CDH8: variants seen among roughly 807,000 people sequenced by gnomAD.
CDH8 encodes cadherin-8.
In CDH8, 17 loss-of-function variants were observed where a neutral mutation model predicts 68.1. That is an observed-to-expected ratio of 0.25 (90% CI 0.17 to 0.37). CDH8 has a LOEUF of 0.37. CDH8 is among the 10% of genes least tolerant of loss of function. CDH8 has a pLI of 1.00. For synonymous variants in CDH8, 372 were observed against 365.1 expected (o/e 1.02, Z -0.21); for missense variants, 763 against 999.3 (o/e 0.76, Z 3.19).
chr16:61,654,150 C>T, intron 11 of CDH8, 49 bp from the exon 12 acceptor site: 2 of 1,527,380 alleles, frequency 1.3e-6, no homozygotes, highest in Admixed American at 1.8e-5. Context: ...CATATAATTT[C>T]ACAAGCAACA....
At chr16:61,897,439 G>C (rs971831834) in intron 3 of CDH8, among the ~76,000 whole-genome samples, 6 of 152,082 alleles carry the variant, frequency 3.9e-5, no homozygotes, top group Non-Finnish European at 5.9e-5. Context: ...TTTTAGTAGG[G>C]ACAGGATTTC....
At position 61,911,630 on chromosome 16, in the gene CDH8, CCCA is replaced by C. The variant is rs955370509; in HGVS notation, c.253-10160_253-10158del. 8.5e-4 allele frequency among the ~76,000 whole-genome samples: 126 copies of C among 147,572 alleles called. 1 individual carries two copies. The highest frequency in any genetic ancestry group is 4.2e-3 in the Admixed American group (63 of 14,860). On this transcript the variant is annotated intron_variant, in intron 2 of 11. Coordinates refer to ENST00000577390, the MANE Select transcript of CDH8 (RefSeq NM_001796.5). ...TCTTTATGAATTCCCTAAACCCCCC[CCCA>C]CCACCTCTCTCTCTTTTTCACTCTT...
At chr16:61,746,839 T>C (rs192163961) in intron 8 of CDH8, among the ~76,000 whole-genome samples, 1 of 152,226 alleles carries the variant, frequency 6.6e-6, no homozygotes, top group East Asian at 1.9e-4. Context: ...TCTATGCTTT[T>C]GCCACAGTAA....
chr16:61,660,046 T>C (rs1465889331), intron 10 of CDH8, among the ~76,000 whole-genome samples: 2 of 152,134 alleles, frequency 1.3e-5, no homozygotes, highest in Non-Finnish European at 2.9e-5. Context: ...CTAAAGTGAC[T>C]GTGGACATAC....
chr16:62,027,389 G>C (rs1416122357), intron 1 of CDH8, among the ~76,000 whole-genome samples: 1 of 152,178 alleles, frequency 6.6e-6, no homozygotes, highest in Non-Finnish European at 1.5e-5. Context: ...GTGGATTAAA[G>C]TTCAAAATGA....
intron 2 of CDH8, among the ~76,000 whole-genome samples, chr16:62,003,341 CA>C (rs1567564308): frequency 6.6e-6 from 1 of 152,110 alleles, no homozygotes; most frequent in Non-Finnish European, 1.5e-5. Flanking sequence ...AAATTTTGCA[CA>C]AAAGATAATA....
chr16:61,947,573 A>G (rs1215973953), intron 2 of CDH8, among the ~76,000 whole-genome samples: 2 of 152,180 alleles, frequency 1.3e-5, no homozygotes, highest in Non-Finnish European at 2.9e-5. Flanking sequence ...AATTTGTTTC[A>G]GACAGTGTAA....
chr16:61,981,681 TGC>T lies in CDH8; in HGVS notation c.252+39469_252+39470del, dbSNP rs1555526842. ...GTGTGTGTGTGTGTGTGTGTGTGTG[TGC>T]GCGCGCGCGCGTGCGCTTGGGGCAG... On this transcript the variant is annotated intron_variant, in intron 2 of 11. Coordinates refer to ENST00000577390, the MANE Select transcript of CDH8 (RefSeq NM_001796.5). 7.7e-4 allele frequency among the ~76,000 whole-genome samples: 109 copies of T among 141,840 alleles called. 1 individual carries two copies. Among genetic ancestry groups the T allele is most frequent in the Middle Eastern group, 3.7e-3 (1 of 270 alleles). 93.1% of individuals were successfully genotyped at this position (141,840 alleles called of 152,430 possible).
chr16:61,717,455 T>C (rs1024241759), intron 9 of CDH8, among the ~76,000 whole-genome samples: 4 of 151,732 alleles, frequency 2.6e-5, no homozygotes, highest in Non-Finnish European at 3.0e-5. Flanking sequence ...TTAAAAATCT[T>C]TCATTGTTTA....
chr16:61,686,960 C>A (rs1964121622), intron 10 of CDH8, among the ~76,000 whole-genome samples: 1 of 151,594 alleles, frequency 6.6e-6, no homozygotes, highest in African/African-American at 2.4e-5. Context: ...AAAGCAGCAA[C>A]CATAGGGTTT....
intron 8 of CDH8, among the ~76,000 whole-genome samples, chr16:61,776,347 T>C (rs1960899059): frequency 6.6e-6 from 1 of 152,162 alleles, no homozygotes; most frequent in African/African-American, 2.4e-5. Context: ...TCATAGCTTA[T>C]GTCCTTAACT....
chr16:62,011,293 A>G (rs867296711), intron 2 of CDH8, among the ~76,000 whole-genome samples: 11 of 152,296 alleles, frequency 7.2e-5, no homozygotes, highest in Non-Finnish European at 1.0e-4. Context: ...TGAGCAGACA[A>G]CAGTTAATAG....
rs535056182 is a variant in CDH8, at chr16:61,803,554, G to A, written c.1277+13925C>T. On this transcript the variant is annotated intron_variant, in intron 7 of 11. Transcript: ENST00000577390. ...ATAAAGAGTCAAGACCCATCAGTGT[G>A]CTGTATTCAGGAAGCCCATCTCACG... 8.5e-3 allele frequency among the ~76,000 whole-genome samples: 1,291 copies of A among 152,194 alleles called. 16 individuals are homozygous for A. Among genetic ancestry groups the A allele is most frequent in the Middle Eastern group, 0.027 (8 of 294 alleles).
At chr16:61,790,946 C>T (rs1961363683) in intron 7 of CDH8, among the ~76,000 whole-genome samples, 2 of 151,788 alleles carry the variant, frequency 1.3e-5, no homozygotes, top group East Asian at 1.9e-4. Context: ...GTATGCATAT[C>T]ATTTATACTA....
At chr16:61,897,815 T>G (rs1963896306) in intron 3 of CDH8, among the ~76,000 whole-genome samples, 1 of 152,124 alleles carries the variant, frequency 6.6e-6, no homozygotes, top group African/African-American at 2.4e-5. Flanking sequence ...TGAAAAAAAG[T>G]GAAATATATA....
At chr16:61,665,956 T>C (rs760456497) in intron 10 of CDH8, among the ~76,000 whole-genome samples, 2 of 151,598 alleles carry the variant, frequency 1.3e-5, no homozygotes, top group East Asian at 3.9e-4. Context: ...CAGTCAGCCA[T>C]AGTCTGAAAC....
At chr16:61,670,825 C>A (rs1173393380) in intron 10 of CDH8, among the ~76,000 whole-genome samples, 1 of 151,876 alleles carries the variant, frequency 6.6e-6, no homozygotes, top group Non-Finnish European at 1.5e-5. Flanking sequence ...TGTGGACAAG[C>A]TTGACAAAGA....
intron 8 of CDH8, among the ~76,000 whole-genome samples, chr16:61,738,017 A>G (rs1959750095): frequency 6.6e-6 from 1 of 152,156 alleles, no homozygotes; most frequent in African/African-American, 2.4e-5. Context: ...ACTTTAATCA[A>G]ATTGGGGCTT....
chr16:61,926,335 A>T (rs138843590), intron 2 of CDH8, among the ~76,000 whole-genome samples: 68 of 152,212 alleles, frequency 4.5e-4, no homozygotes, highest in African/African-American at 1.6e-3. Flanking sequence ...AGATATTTGA[A>T]CCCAAGTATG....
Sources: allele counts gnomAD v4.1 joint callset (sites outside exome capture counted in the v4.1 genomes callset), GRCh38; gene constraint gnomAD v4.1.1; transcripts MANE v1.5; gene names NCBI Gene and HGNC (gene_info 2026-07-23, HGNC 2026-07-21).